Variants in ABCA10 observed in about 807,000 individuals in gnomAD.
ABCA10 encodes ATP-binding cassette sub-family A member 10.
A neutral mutation model predicts 187.5 loss-of-function variants in ABCA10; 169 were observed. That is an observed-to-expected ratio of 0.90 (90% confidence interval 0.80 to 1.02). The LOEUF is 1.02. Among genes scored for constraint, ABCA10 ranks in the 50% least tolerant of loss-of-function variants. The pLI is 0.00. For missense variants in ABCA10, 1,727 were observed against 1,812.4 expected, an observed-to-expected ratio of 0.95 and a Z score of 0.86; for synonymous variants, 574 against 601.8, an observed-to-expected ratio of 0.95 and a Z score of 0.68.
intron 1 of ABCA10, among the ~76,000 whole-genome samples, chr17:69,241,180 C>T (rs1008133666): frequency 2.6e-5 from 4 of 152,194 alleles, no homozygotes; most frequent in African/African-American, 9.6e-5. Flanking sequence ...GCTGATAATT[C>T]TACTCTTCCA....
chr17:69,213,555 C>T (rs1417965734), intron 9 of ABCA10, among the ~76,000 whole-genome samples: 1 of 152,166 alleles, frequency 6.6e-6, no homozygotes, highest in Non-Finnish European at 1.5e-5. Context: ...GTCAGCAAGG[C>T]CAGTCTCACT....
intron 25 of ABCA10, 106 bp from the exon 26 acceptor site, chr17:69,165,189 T>G: frequency 7.5e-6 from 7 of 936,434 alleles, no homozygotes; most frequent in Non-Finnish European, 1.1e-5. Flanking sequence ...CATTTTCAAC[T>G]TTTACCTCAC....
intron 6 of ABCA10, among the ~76,000 whole-genome samples, chr17:69,217,264 A>G (rs2074713496): frequency 6.6e-6 from 1 of 152,138 alleles, no homozygotes; most frequent in South Asian, 2.1e-4. Context: ...AGAAAAAAAA[A>G]AAAGGTATCA....
At position 69,187,678 on chromosome 17, in the gene ABCA10, C is replaced by A. The variant is rs779627795; in HGVS notation, c.2330+3G>T. 7.4e-6 allele frequency: 12 copies of A among 1,612,882 alleles called. No individual in the cohort carries two copies. In the Admixed American group the frequency reaches 2.0e-4, roughly 27 times the overall value. On this transcript the variant is annotated splice_donor_region_variant and intron_variant, in intron 19 of 38. Coordinates refer to ENST00000690296, the MANE Select transcript of ABCA10 (RefSeq NM_001377321.1). ...AATAGATATAAAGTAATCTGATACT[C>A]ACAAACACAAAAGAGCTCTCCTTTC...
intron 14 of ABCA10, 35 bp from the exon 15 acceptor site, chr17:69,193,283 C>A: frequency 6.2e-7 from 1 of 1,603,172 alleles, no homozygotes; most frequent in East Asian, 2.2e-5. Flanking sequence ...GCATCTTCCT[C>A]TTCACAGTGA....
chr17:69,148,783 C>A lies in ABCA10; in HGVS notation c.*44G>T, dbSNP rs768838179. On this transcript the variant is annotated 3_prime_UTR_variant, in exon 39 of 39. Transcript: ENST00000690296. Reference sequence around the variant, plus strand: ...ATTCTTGTAGAATTATGGAAACTAACAATGTAGTAGGACCTAAAATTGAAT... The same window carrying A: ...ATTCTTGTAGAATTATGGAAACTAAAAATGTAGTAGGACCTAAAATTGAAT... 9.6e-6 allele frequency: 14 copies of A among 1,452,104 alleles called. No homozygotes were observed. The South Asian group carries it at 1.3e-4, about 14-fold the overall frequency. The allele number at this position is 1,452,104 out of a possible 1,614,324, so 90.0% of individuals were successfully genotyped here. A position where few individuals can be genotyped will look rare whatever the true frequency, so the allele number is the denominator to read the frequency against.
chr17:69,148,722 A>T lies in ABCA10; in HGVS notation c.*105T>A. 1.0e-6 allele frequency: 1 copy of T among 967,426 alleles called. No individual in the cohort carries two copies. 59.9% of individuals were successfully genotyped at this position (967,426 alleles called of 1,614,324 possible). On this transcript the variant is annotated 3_prime_UTR_variant, in exon 39 of 39. Coordinates refer to ENST00000690296, the MANE Select transcript of ABCA10 (RefSeq NM_001377321.1). ...CTGTAATCATTATTGAATGTTTATT[A>T]AATGTTTTCTTTTGTTAACTGAAGT...
Position 69,211,344 on chromosome 17 carries a change from T to TG in ABCA10, c.1006+3359_1006+3360insC, listed in dbSNP as rs1489022968. Among the ~76,000 whole-genome samples the TG allele has an allele frequency of 1.3e-3, 51 of 40,300 alleles. 3 individuals are homozygous for TG. The highest frequency in any genetic ancestry group is 1.1e-4 in the African/African-American group (1 of 9,212). The allele number at this position is 40,300 out of a possible 152,430, so 26.4% of individuals were successfully genotyped here. ...ATATATATATATATATATATATATA[T>TG]ATATATATATATATATACACACACA... is the stretch of plus-strand genomic sequence containing the variant. On this transcript the variant is annotated intron_variant, in intron 9 of 38. Coordinates refer to ENST00000690296, the MANE Select transcript of ABCA10 (RefSeq NM_001377321.1).
rs114423534 is a variant in ABCA10 at position 69,173,573 on chromosome 17, C to T, written c.3162+708G>A. Among the ~76,000 whole-genome samples, 889 of 152,242 alleles carry T rather than the reference C, an allele frequency of 5.8e-3. 10 individuals carry two copies. The highest frequency in any genetic ancestry group is 0.02 in the African/African-American group (843 of 41,554). On this transcript the variant is annotated intron_variant, in intron 25 of 38. Transcript: ENST00000690296. ...TCACCGCTGATCCCCAAACTAAGGGCGTGCCTAAGATGAGCCTGGGGAGAG... is the reference window on the plus strand; with the variant it reads ...TCACCGCTGATCCCCAAACTAAGGGTGTGCCTAAGATGAGCCTGGGGAGAG...
At chr17:69,242,873 G>C (rs1228280680) in intron 1 of ABCA10, among the ~76,000 whole-genome samples, 4 of 152,146 alleles carry the variant, frequency 2.6e-5, no homozygotes, top group African/African-American at 4.8e-5. Flanking sequence ...TGTTTTAGCG[G>C]AAAATACTGG....
In ABCA10 at chr17:69,174,356, G is replaced by A; in HGVS notation, c.3087C>T (p.Phe1029=). 6.2e-7 allele frequency: 1 copy of A among 1,602,182 alleles called. No individual in the cohort carries two copies. The highest frequency in any genetic ancestry group is 8.5e-7 in the Non-Finnish European group (1 of 1,176,890). ...CIIGCAVSLI[F]LTYVLSFIFR... is the part of the protein sequence containing the mutation. ...AGATGAATGAAAGCACATATGTGAG[G>A]AATATAAGAGAAACTGCACAACCAA... Residue 1029 remains phenylalanine, a synonymous_variant, in exon 25 of 39, where the codon TTC becomes TTT. Transcript: ENST00000690296.
At chr17:69,214,981 A>T in intron 8 of ABCA10, 130 bp from the exon 9 acceptor site, 5 of 569,928 alleles carry the variant, frequency 8.8e-6, no homozygotes, top group Non-Finnish European at 1.4e-5. Flanking sequence ...TATGCATAGT[A>T]AATGTGCTAT....
Position 69,159,220 on chromosome 17 carries a change from T to G in ABCA10, c.3364-2297A>C, listed in dbSNP as rs561499743. ...TCATATTTCAAAAATTAAAGTAAAA[T>G]ATGACTCAAATACAGACTTTCTATT... On this transcript the variant is annotated intron_variant, in intron 27 of 38. Transcript: ENST00000690296. Among the ~76,000 whole-genome samples, 282 of 152,066 alleles carry G rather than the reference T, an allele frequency of 1.9e-3. 1 individual carries two copies. Among genetic ancestry groups the G allele is most frequent in the African/African-American group, 6.6e-3 (273 of 41,502 alleles).
At chr17:69,240,684 C>A (rs2074898481) in intron 1 of ABCA10, among the ~76,000 whole-genome samples, 2 of 152,246 alleles carry the variant, frequency 1.3e-5, no homozygotes, top group Admixed American at 6.5e-5. Context: ...GACTTCTCTA[C>A]ATCATCAAGC....
chr17:69,158,690 C>A (rs1046817290), intron 27 of ABCA10, among the ~76,000 whole-genome samples: 1 of 151,992 alleles, frequency 6.6e-6, no homozygotes, highest in Admixed American at 6.6e-5. Context: ...CACTTGACTG[C>A]ATTCTAATTT....
chr17:69,193,973 A>G lies in ABCA10; in HGVS notation c.1362T>C (p.Tyr454=), dbSNP rs182370527. The G allele has an allele frequency of 1.7e-3, 2,736 of 1,599,758 alleles. 29 individuals carry two copies. The African/African-American group carries it at 0.033, about 19-fold the overall frequency. The stretch of plus-strand genomic sequence containing the variant: ...CAGTTATTTCAGAGAGTTGAGTATT[A>G]TAAATAGTGGCTGATCCTATAAATA... The part of the protein sequence containing the change: ...SVSTEGSATI[Y]NTQLSEITDM... Residue 454 remains tyrosine, a synonymous_variant, in exon 13 of 39, where the codon TAT becomes TAC. Transcript: ENST00000690296.
chr17:69,192,312 AAAACAAAC>A (rs111271676), intron 16 of ABCA10, among the ~76,000 whole-genome samples: 39 of 150,740 alleles, frequency 2.6e-4, no homozygotes, highest in African/African-American at 9.3e-4. Flanking sequence ...TGTCTTCAAA[AAAACAAAC>A]AAACAAACAA....
Position 69,215,968 on chromosome 17 carries a change from T to C in ABCA10, c.705A>G (p.Ile235Met). ...IALAFLMSVL[I>M]RKPMLAGLAG... ...CCAAACCAGCGAGCATAGGTTTCCTTATTAAAACACTCATGAGGAAAGCCA... is the reference window on the plus strand; with the variant it reads ...CCAAACCAGCGAGCATAGGTTTCCTCATTAAAACACTCATGAGGAAAGCCA... The change falls in exon 8 of 39, where the codon ATA (isoleucine) becomes ATG (methionine). Residue 235 changes from isoleucine (I) to methionine (M), a missense_variant. By Grantham distance (10) the Ile-to-Met change is conservative. Transcript: ENST00000690296. 6.2e-7 allele frequency: 1 copy of C among 1,613,266 alleles called. No individual in the cohort carries two copies. The highest frequency in any genetic ancestry group is 8.5e-7 in the Non-Finnish European group (1 of 1,179,770).
In ABCA10 at chr17:69,219,551, G is replaced by A; in HGVS notation, c.524C>T (p.Ala175Val). ...AAGTAGCAACTTAACTTACCAGAAT[G>A]CTGACTCTCGGAGACCCATCACTGT... is the stretch of plus-strand genomic sequence containing the variant. ...LMTVMGLRES[A>V]FWLSWGLTYI... Residue 175 changes from alanine (A) to valine (V), a missense_variant, in exon 6 of 39, where the codon GCA becomes GTA. Transcript: ENST00000690296. 1 of 1,565,048 alleles carries A rather than the reference G, an allele frequency of 6.4e-7. No individual in the cohort carries two copies. The highest frequency in any genetic ancestry group is 8.7e-7 in the Non-Finnish European group (1 of 1,156,048).
Sources: gnomAD v4.1 joint callset for allele counts (sites outside exome capture counted in the v4.1 genomes callset) on GRCh38, gnomAD v4.1.1 for gene constraint, MANE v1.5 for transcripts, NCBI Gene and HGNC (gene_info 2026-07-23, HGNC 2026-07-21) for gene names.